JPH1: variants seen among roughly 807,000 people sequenced by gnomAD.
The protein encoded by JPH1 is junctophilin-1.
JPH1 carries 12 observed loss-of-function variants against 53.6 expected under a neutral mutation model. That is an observed-to-expected ratio of 0.22 (90% confidence interval 0.14 to 0.36). The LOEUF (loss-of-function observed/expected upper bound fraction) is 0.36. Ranked by LOEUF, JPH1 falls within the 10% of genes least tolerant of loss-of-function variation. JPH1 has a pLI of 1.00. For synonymous variants in JPH1, 375 were observed against 363.8 expected, an observed-to-expected ratio of 1.03 and a Z score of -0.35; for missense variants, 808 against 905.5, an observed-to-expected ratio of 0.89 and a Z score of 1.38.
At chr8:74,290,953 G>T (rs968452862) in intron 2 of JPH1, among the ~76,000 whole-genome samples, 23 of 152,064 alleles carry the variant, frequency 1.5e-4, no homozygotes, top group Admixed American at 6.6e-5. Context: ...ACTGGATCCC[G>T]TCCTTACACC....
chr8:74,245,170 C>G lies in JPH1; in HGVS notation c.1264G>C (p.Asp422His). The G allele has an allele frequency of 6.4e-7, 1 of 1,554,528 alleles. No individual in the cohort carries two copies. The highest frequency in any genetic ancestry group is 1.2e-5 in the South Asian group (1 of 81,288). Residue 422 changes from aspartate to histidine, a missense_variant, in exon 4 of 6, where the codon GAT becomes CAT. Coordinates refer to ENST00000342232, the MANE Select transcript of JPH1 (RefSeq NM_020647.4). The stretch of plus-strand genomic sequence containing the variant: ...TCCTGAAATCTCTGTTTGACGTAAT[C>G]AGGGCCTGGCCAAAAAAAAAAGAAA... ...LSPDFYQPGP[D>H]YVKQRFQEGV...
chr8:74,290,141 C>T (rs1807281119), intron 2 of JPH1, among the ~76,000 whole-genome samples: 1 of 152,136 alleles, frequency 6.6e-6, no homozygotes, highest in African/African-American at 2.4e-5. Flanking sequence ...GTTGGAAGTT[C>T]TGGCCAGGAC....
At chr8:74,282,951 T>G (rs957514119) in intron 2 of JPH1, among the ~76,000 whole-genome samples, 20 of 152,374 alleles carry the variant, frequency 1.3e-4, no homozygotes, top group African/African-American at 4.6e-4. Flanking sequence ...ATGTGTCATT[T>G]AAACATAATA....
At chr8:74,248,184 G>A (rs1239610536) in intron 3 of JPH1, among the ~76,000 whole-genome samples, 1 of 152,158 alleles carries the variant, frequency 6.6e-6, no homozygotes, top group African/African-American at 2.4e-5. Flanking sequence ...CTGCTAAGAT[G>A]AGTTTAGGTA....
chr8:74,302,782 A>G (rs1807720037), intron 2 of JPH1, among the ~76,000 whole-genome samples: 1 of 152,164 alleles, frequency 6.6e-6, no homozygotes, highest in Non-Finnish European at 1.5e-5. Context: ...GGTACTGTGA[A>G]CCTGGTAGGG....
intron 3 of JPH1, among the ~76,000 whole-genome samples, chr8:74,252,061 A>T (rs956882799): frequency 1.3e-5 from 2 of 152,266 alleles, no homozygotes; most frequent in Non-Finnish European, 2.9e-5. Flanking sequence ...GACAAAAACA[A>T]GAAATGGGGA....
Position 74,259,469 on chromosome 8 carries a change from C to A in JPH1, c.1174G>T (p.Asp392Tyr). ...TGGCGAGCGGCCAGCGCGGCCTGGT[C>A]GGCGGCATCGGCCTTCGCTCTGGCA... Reference protein sequence around the residue: ...AHARAKADAADQAALAARQEC... With the variant: ...AHARAKADAAYQAALAARQEC... The change falls in exon 3 of 6, where the codon GAC becomes TAC. Residue 392 changes from aspartate to tyrosine, a missense_variant. Physicochemically the swap from Asp to Tyr is radical, Grantham distance 160. This residue lies in a region of JPH1 where 756 missense variants were observed against 811.9 expected (regional missense o/e 0.93). Coordinates refer to ENST00000342232, the MANE Select transcript of JPH1 (RefSeq NM_020647.4). The A allele has an allele frequency of 6.2e-7, 1 of 1,612,342 alleles. No homozygotes were observed. Among genetic ancestry groups the A allele is most frequent in the Non-Finnish European group, 8.5e-7 (1 of 1,178,932 alleles).
intron 2 of JPH1, among the ~76,000 whole-genome samples, chr8:74,275,105 C>T (rs1014580313): frequency 6.6e-6 from 1 of 152,032 alleles, no homozygotes; most frequent in Non-Finnish European, 1.5e-5. Context: ...CTTTTGTTTT[C>T]TGGAATAAGC....
At chr8:74,285,455 T>TA (rs557166253) in intron 2 of JPH1, among the ~76,000 whole-genome samples, 4 of 151,808 alleles carry the variant, frequency 2.6e-5, no homozygotes, top group Non-Finnish European at 5.9e-5. Context: ...ATTATTAAAT[T>TA]AAAAAAAAGC....
intron 2 of JPH1, among the ~76,000 whole-genome samples, chr8:74,295,549 T>G (rs1321998797): frequency 2.0e-5 from 3 of 152,202 alleles, no homozygotes; most frequent in African/African-American, 7.2e-5. Flanking sequence ...CATTTAATTC[T>G]CCTAAACTCC....
At chr8:74,297,940 T>C (rs1258563302) in intron 2 of JPH1, among the ~76,000 whole-genome samples, 1 of 152,258 alleles carries the variant, frequency 6.6e-6, no homozygotes, top group Non-Finnish European at 1.5e-5. Context: ...GAACCTTGTC[T>C]AGCATTTTGT....
intron 2 of JPH1, among the ~76,000 whole-genome samples, chr8:74,302,502 C>A (rs147371552): frequency 6.6e-6 from 1 of 152,078 alleles, no homozygotes; most frequent in East Asian, 1.9e-4. Context: ...TGATAGCATT[C>A]CTGTTATCAG....
At chr8:74,245,303 C>T (rs1805825922) in intron 3 of JPH1, 128 bp from the exon 4 acceptor site, 2 of 779,068 alleles carry the variant, frequency 2.6e-6, no homozygotes, top group South Asian at 6.1e-5. Flanking sequence ...ACACATATTT[C>T]ATTCTCTGGG....
chr8:74,254,161 C>T (rs1459588617), intron 3 of JPH1, among the ~76,000 whole-genome samples: 8 of 151,990 alleles, frequency 5.3e-5, no homozygotes, highest in Non-Finnish European at 1.0e-4. Context: ...ACTGGCAAAC[C>T]GAATCCAGCA....
rs528168982 is a variant in JPH1 at position 74,255,583 on chromosome 8, T to G, written c.1258+3802A>C. Among the ~76,000 whole-genome samples, 1,062 of 152,018 alleles carry G rather than the reference T, an allele frequency of 7.0e-3. 4 individuals are homozygous for G. The highest frequency in any genetic ancestry group is 0.011 in the Non-Finnish European group (764 of 67,982). On this transcript the variant is annotated intron_variant, in intron 3 of 5. Transcript: ENST00000342232. ...ACTCAAGAGCTTCTGCACAGCAAAATAAACCACCATCAGAGTGACTAGGCA... is the reference window on the plus strand; with the variant it reads ...ACTCAAGAGCTTCTGCACAGCAAAAGAAACCACCATCAGAGTGACTAGGCA...
chr8:74,262,958 T>C (rs1320002515), intron 2 of JPH1, among the ~76,000 whole-genome samples: 1 of 152,266 alleles, frequency 6.6e-6, no homozygotes, highest in African/African-American at 2.4e-5. Flanking sequence ...GATGAGTATC[T>C]GAGGTTTTCT....
At chr8:74,306,264 A>G (rs1284766211) in intron 2 of JPH1, among the ~76,000 whole-genome samples, 1 of 152,122 alleles carries the variant, frequency 6.6e-6, no homozygotes, top group Non-Finnish European at 1.5e-5. Context: ...GCTGGCACCT[A>G]GGTCATCTTT....
intron 2 of JPH1, among the ~76,000 whole-genome samples, chr8:74,307,622 A>G (rs1807877386): frequency 6.6e-6 from 1 of 152,260 alleles, no homozygotes; most frequent in Non-Finnish European, 1.5e-5. Context: ...ATTCATTAAA[A>G]TGACTCAGAA....
intron 2 of JPH1, among the ~76,000 whole-genome samples, chr8:74,281,639 C>G (rs569545895): frequency 6.6e-5 from 10 of 152,182 alleles, no homozygotes; most frequent in Non-Finnish European, 8.8e-5. Context: ...AAACTCCAAG[C>G]CTGGGGATCA....
Sources: allele counts gnomAD v4.1 joint callset (sites outside exome capture counted in the v4.1 genomes callset), GRCh38; gene constraint gnomAD v4.1.1; regional missense constraint gnomAD v4.1.1; transcripts MANE v1.5; gene names NCBI Gene and HGNC (gene_info 2026-07-23, HGNC 2026-07-21).